The following DEPTOR variants were observed in gnomAD, a reference collection of about 807,000 sequenced individuals.
The protein encoded by DEPTOR is DEP domain containing MTOR interacting protein, also known as DEP domain-containing mTOR-interacting protein.
In DEPTOR, 41 loss-of-function variants were observed where a neutral mutation model predicts 41.6. That is an observed-to-expected ratio of 0.98 (90% CI 0.77 to 1.28). The LOEUF is 1.28. Among genes scored for constraint, DEPTOR ranks in the 50% most tolerant of loss-of-function variants. The pLI is 0.00. For missense variants in DEPTOR, 514 were observed against 527.9 expected (o/e 0.97, Z 0.26); for synonymous variants, 195 against 192.3 (o/e 1.01, Z -0.12).
chr8:120,021,097 T>TAA (rs1812706230), intron 8 of DEPTOR, among the ~76,000 whole-genome samples: 1 of 24,938 alleles, frequency 4.0e-5, no homozygotes, highest in Non-Finnish European at 9.5e-5. Context: ...ATAGGGCTGA[T>TAA]AATAGTCATG....
chr8:120,030,526 A>AG (rs1812875418), intron 8 of DEPTOR, among the ~76,000 whole-genome samples: 1 of 35,172 alleles, frequency 2.8e-5, no homozygotes, highest in Non-Finnish European at 5.4e-5. Context: ...TTTTTTTTTT[A>AG]GCTGGAGTCT....
intron 8 of DEPTOR, among the ~76,000 whole-genome samples, chr8:120,029,709 T>C (rs942935247): frequency 7.2e-5 from 11 of 152,180 alleles, no homozygotes; most frequent in Admixed American, 5.9e-4. Flanking sequence ...TTTTAAAATA[T>C]GGATTTTTTT....
At chr8:119,910,723 C>A (rs7000068) in intron 1 of DEPTOR, among the ~76,000 whole-genome samples, 1 of 151,912 alleles carries the variant, frequency 6.6e-6, no homozygotes. Context: ...TTACAGGTGT[C>A]AGCCACTGCG....
intron 8 of DEPTOR, among the ~76,000 whole-genome samples, chr8:120,044,762 G>T (rs1395538744): frequency 6.6e-6 from 1 of 152,190 alleles, no homozygotes; most frequent in Non-Finnish European, 1.5e-5. Context: ...AAAGTACTTG[G>T]ATTGGCACTT....
intron 4 of DEPTOR, among the ~76,000 whole-genome samples, chr8:119,999,795 A>C (rs1007334035): frequency 3.3e-5 from 5 of 152,326 alleles, no homozygotes; most frequent in African/African-American, 1.2e-4. Flanking sequence ...TGGAGAGCAA[A>C]GGTGGTTGCC....
chr8:119,935,052 T>C (rs1211706182), intron 3 of DEPTOR, among the ~76,000 whole-genome samples: 1 of 151,852 alleles, frequency 6.6e-6, no homozygotes, highest in Non-Finnish European at 1.5e-5. Flanking sequence ...TTTTGAGGAA[T>C]TCATCTAAGT....
intron 3 of DEPTOR, among the ~76,000 whole-genome samples, chr8:119,961,695 T>G (rs1431147825): frequency 3.3e-5 from 5 of 152,206 alleles, no homozygotes; most frequent in African/African-American, 7.2e-5. Context: ...TTTTCTCATT[T>G]GAATGGGAAC....
At chr8:120,020,342 A>G (rs554374724) in intron 8 of DEPTOR, among the ~76,000 whole-genome samples, 1 of 152,044 alleles carries the variant, frequency 6.6e-6, no homozygotes, top group Non-Finnish European at 1.5e-5. Flanking sequence ...CAGTCTCCCA[A>G]AGTGCTGGGA....
intron 3 of DEPTOR, 36 bp from the exon 4 acceptor site, chr8:119,965,196 T>C: frequency 6.3e-7 from 1 of 1,585,256 alleles, no homozygotes; most frequent in Non-Finnish European, 8.6e-7. Context: ...TCCTTTCGTA[T>C]AGGTTTACTT....
chr8:119,938,955 C>CTT (rs1828165316), intron 3 of DEPTOR, among the ~76,000 whole-genome samples: 1 of 144,988 alleles, frequency 6.9e-6, no homozygotes, highest in African/African-American at 2.7e-5. Flanking sequence ...CTCTCTCTCT[C>CTT]TCTCTCTCTC....
intron 1 of DEPTOR, among the ~76,000 whole-genome samples, chr8:119,878,495 G>T (rs560995995): frequency 0.018 from 2,677 of 151,222 alleles, 81 homozygotes; most frequent in African/African-American, 0.061. Context: ...AATTTTTTTT[G>T]TGTGTGTGCT....
intron 1 of DEPTOR, among the ~76,000 whole-genome samples, chr8:119,881,377 A>T (rs1827294384): frequency 6.6e-6 from 1 of 152,036 alleles, no homozygotes; most frequent in Non-Finnish European, 1.5e-5. Flanking sequence ...CAAAAAAATT[A>T]GCTGGGGGTG....
chr8:120,031,195 A>G (rs11993265), intron 8 of DEPTOR, among the ~76,000 whole-genome samples: 126,009 of 151,680 alleles, frequency 0.83, 52,779 homozygotes, highest in African/African-American at 0.95. Context: ...AGCCAGGCAC[A>G]GTGGCTCATG....
At position 120,015,619 on chromosome 8, in the gene DEPTOR, G is replaced by C. The variant is rs150963976; in HGVS notation, c.1101+6486G>C. On this transcript the variant is annotated intron_variant, in intron 8 of 8. Transcript: ENST00000286234. The stretch of plus-strand genomic sequence containing the variant: ...GGAAAAAACGACATGGACACACGTG[G>C]AGTGGTTTTAAGAAGTAGAGAGTCT... Among the ~76,000 whole-genome samples, 922 of 152,268 alleles carry C rather than the reference G, an allele frequency of 6.1e-3. 5 individuals are homozygous for C. The highest frequency in any genetic ancestry group is 0.022 in the South Asian group (105 of 4,824).
intron 4 of DEPTOR, among the ~76,000 whole-genome samples, chr8:119,993,598 A>G (rs1812208276): frequency 6.6e-6 from 1 of 152,234 alleles, no homozygotes. Context: ...TCCAAGGAGC[A>G]AAAAATGAAA....
chr8:119,874,680 A>G (rs930566882), intron 1 of DEPTOR, among the ~76,000 whole-genome samples: 1 of 152,118 alleles, frequency 6.6e-6, no homozygotes, highest in Non-Finnish European at 1.5e-5. Context: ...AGCAGGATCC[A>G]TGGGGACCCT....
At chr8:119,969,051 C>T (rs1365516887) in intron 4 of DEPTOR, among the ~76,000 whole-genome samples, 4 of 151,364 alleles carry the variant, frequency 2.6e-5, no homozygotes, top group Non-Finnish European at 5.9e-5. Context: ...GCCAAGATCA[C>T]GCCACTACAC....
At position 119,873,775 on chromosome 8, in the gene DEPTOR, G is replaced by A. The variant is rs1477788621; in HGVS notation, c.-72G>A. On this transcript the variant is annotated 5_prime_UTR_variant, in exon 1 of 9. Transcript: ENST00000286234. The stretch of plus-strand genomic sequence containing the variant: ...AAGATGGCGCGGGAAGCGTCTGTGA[G>A]GGCAGACTGATCCGAGCACCCAAAC... 2.5e-6 allele frequency: 4 copies of A among 1,590,082 alleles called. No individual in the cohort carries two copies. Among genetic ancestry groups the A allele is most frequent in the Non-Finnish European group, 3.4e-6 (4 of 1,168,444 alleles).
chr8:120,032,211 CTTTTTTTTTTT>C (rs60003356), intron 8 of DEPTOR, among the ~76,000 whole-genome samples: 2 of 120,912 alleles, frequency 1.7e-5, no homozygotes, highest in African/African-American at 3.2e-5. Context: ...CACTAACTTT[CTTTTTTTTTTT>C]TTTTTTTTTT....
Sources: gnomAD v4.1 joint callset for allele counts (sites outside exome capture counted in the v4.1 genomes callset) on GRCh38, gnomAD v4.1.1 for gene constraint, MANE v1.5 for transcripts, NCBI Gene and HGNC (gene_info 2026-07-23, HGNC 2026-07-21) for gene names.